The following MAP3K21 variants were observed in gnomAD, a reference collection of about 807,000 sequenced individuals.
MAP3K21 encodes mitogen-activated protein kinase kinase kinase MLK4.
Under a neutral mutation model 86.1 loss-of-function variants are expected in MAP3K21, and 63 were observed. The observed-to-expected ratio is 0.73, with a 90% CI of 0.60 to 0.90. The LOEUF is 0.90. Among genes scored for constraint, MAP3K21 ranks in the 40% least tolerant of loss-of-function variants. MAP3K21 has a pLI of 0.00. For missense variants in MAP3K21, 1,220 were observed against 1,367.7 expected (o/e 0.89, Z 1.70); for synonymous variants, 558 against 564.8 (o/e 0.99, Z 0.17).
At chr1:233,336,617 T>G (rs533377417) in intron 1 of MAP3K21, among the ~76,000 whole-genome samples, 1 of 152,266 alleles carries the variant, frequency 6.6e-6, no homozygotes, top group Non-Finnish European at 1.5e-5. Context: ...ATTATTTCAC[T>G]TATAATCCCA....
intron 1 of MAP3K21, among the ~76,000 whole-genome samples, chr1:233,340,565 G>A (rs1465431925): frequency 6.6e-6 from 1 of 152,028 alleles, no homozygotes; most frequent in Non-Finnish European, 1.5e-5. Flanking sequence ...TGGATAGTGA[G>A]TGGGGTATGT....
At chr1:233,378,354 A>G (rs1663838715) in intron 8 of MAP3K21, among the ~76,000 whole-genome samples, 1 of 152,200 alleles carries the variant, frequency 6.6e-6, no homozygotes, top group African/African-American at 2.4e-5. Flanking sequence ...GGCTAGCTGA[A>G]ACACAGACTG....
intron 2 of MAP3K21, among the ~76,000 whole-genome samples, chr1:233,353,071 T>C (rs1475689468): frequency 6.6e-6 from 1 of 152,168 alleles, no homozygotes; most frequent in African/African-American, 2.4e-5. Flanking sequence ...TGCCTTTGCT[T>C]GTTCTTGTTT....
At chr1:233,377,199 A>G (rs899682607) in intron 8 of MAP3K21, among the ~76,000 whole-genome samples, 3 of 152,210 alleles carry the variant, frequency 2.0e-5, no homozygotes, top group Admixed American at 2.0e-4. Flanking sequence ...ATTTACTTTC[A>G]ATATTCTATA....
intron 5 of MAP3K21, among the ~76,000 whole-genome samples, chr1:233,362,696 C>T (rs929941470): frequency 2.0e-5 from 3 of 151,966 alleles, no homozygotes; most frequent in African/African-American, 7.3e-5. Context: ...CCACAAGGAT[C>T]TAGGATGTCA....
intron 1 of MAP3K21, among the ~76,000 whole-genome samples, chr1:233,334,604 G>GTTC (rs1553337002): frequency 6.6e-6 from 1 of 151,808 alleles, no homozygotes; most frequent in East Asian, 1.9e-4. Context: ...GGTTTTTTTG[G>GTTC]GGGGGAAGGA....
chr1:233,364,904 A>G lies in MAP3K21; in HGVS notation c.1552+2611A>G, dbSNP rs564771901. Among the ~76,000 whole-genome samples, 65 of 152,242 alleles carry G rather than the reference A, an allele frequency of 4.3e-4. 2 individuals carry two copies. Among genetic ancestry groups the G allele is most frequent in the Non-Finnish European group, 3.8e-4 (26 of 68,012 alleles). On this transcript the variant is annotated intron_variant, in intron 5 of 9. Transcript: ENST00000366624. ...TCTTCTGCCCACAAGATGGCACTAC[A>G]TTATCATCTTAATATTAATAATACT... is the stretch of plus-strand genomic sequence containing the variant.
intron 1 of MAP3K21, among the ~76,000 whole-genome samples, chr1:233,342,525 G>A (rs187466919): frequency 3.2e-4 from 49 of 152,294 alleles, no homozygotes; most frequent in African/African-American, 1.2e-3. Flanking sequence ...TGGAGGATTC[G>A]CAGAATGCTA....
At chr1:233,375,684 A>G (rs1663780151) in intron 6 of MAP3K21, 1 of 506,516 alleles carries the variant, frequency 2.0e-6, no homozygotes, top group Non-Finnish European at 3.4e-6. Context: ...TTTGCTGCTA[A>G]TTTACCTCGA....
At position 233,376,533 on chromosome 1, in the gene MAP3K21, T is replaced by C; in HGVS notation, c.1924+6T>C. On this transcript the variant is annotated splice_donor_region_variant and intron_variant, in intron 8 of 9. Transcript: ENST00000366624. ...ATTGTTTGTGGACCAGCCAGGTAAA[T>C]GTGTTTCAGGAGGTAGGATTTGCTT... 6.2e-7 allele frequency: 1 copy of C among 1,601,244 alleles called. No homozygotes were observed. The highest frequency in any genetic ancestry group is 8.5e-7 in the Non-Finnish European group (1 of 1,169,890).
chr1:233,382,505 G>C lies in MAP3K21; in HGVS notation c.2905G>C (p.Ala969Pro). 1.9e-6 allele frequency: 3 copies of C among 1,614,126 alleles called. No homozygotes were observed. The highest frequency in any genetic ancestry group is 2.5e-6 in the Non-Finnish European group (3 of 1,180,032). The change falls in exon 10 of 10, where the codon GCA (alanine) becomes CCA (proline). Residue 969 changes from alanine to proline, a missense_variant. Coordinates refer to ENST00000366624, the MANE Select transcript of MAP3K21 (RefSeq NM_032435.3). ...AYPQTAVSQLAQTACVVGRPG... is the reference protein window; with the variant it reads ...AYPQTAVSQLPQTACVVGRPG... ...CCCACAGACAGCAGTGTCTCAGCTG[G>C]CACAGACTGCCTGTGTAGTGGGTCG...
chr1:233,361,912 TG>T, intron 4 of MAP3K21, 140 bp from the exon 5 acceptor site: 1 of 1,061,014 alleles, frequency 9.4e-7, no homozygotes, highest in East Asian at 2.6e-5. Context: ...GACCAGGGCT[TG>T]AGCAGAGGAA....
chr1:233,380,876 T>A (rs979045858), intron 9 of MAP3K21, among the ~76,000 whole-genome samples: 5 of 152,210 alleles, frequency 3.3e-5, no homozygotes, highest in African/African-American at 4.8e-5. Context: ...AGTGTCTCAC[T>A]CCTCCTCACT....
At chr1:233,356,089 T>C (rs916296597) in intron 4 of MAP3K21, among the ~76,000 whole-genome samples, 2 of 152,350 alleles carry the variant, frequency 1.3e-5, no homozygotes, top group Non-Finnish European at 1.5e-5. Context: ...CTGAGGATCC[T>C]GTTTCCTCCC....
chr1:233,341,667 T>C (rs191166077), intron 1 of MAP3K21, among the ~76,000 whole-genome samples: 13 of 152,308 alleles, frequency 8.5e-5, no homozygotes, highest in Admixed American at 8.5e-4. Context: ...GACTCTGTTT[T>C]TATTATTTAG....
intron 4 of MAP3K21, among the ~76,000 whole-genome samples, chr1:233,358,945 G>A (rs1235439235): frequency 6.6e-6 from 1 of 151,982 alleles, no homozygotes; most frequent in African/African-American, 2.4e-5. Flanking sequence ...GAGTAGCTGG[G>A]ATTACAGGCG....
At chr1:233,335,938 C>T (rs900972880) in intron 1 of MAP3K21, among the ~76,000 whole-genome samples, 7 of 152,112 alleles carry the variant, frequency 4.6e-5, no homozygotes, top group Non-Finnish European at 8.8e-5. Flanking sequence ...GATGGATGTT[C>T]ATATCTGCTT....
At position 233,379,546 on chromosome 1, in the gene MAP3K21, G is replaced by A. The variant is rs150526004; in HGVS notation, c.2540G>A (p.Arg847His). Residue 847 changes from arginine to histidine, a missense_variant, in exon 9 of 10, where the codon CGT (arginine) becomes CAT (histidine). By Grantham distance (29) the Arg-to-His change is conservative. Transcript: ENST00000366624. ...TGTCCCACTGCCCCAGGAAGTGGTC[G>A]TGAGCCAGCCCTCATGCCAAGACTT... The part of the protein sequence containing the change: ...DFCPTAPGSG[R>H]EPALMPRLDT... 59 of 1,614,190 alleles carry A rather than the reference G, an allele frequency of 3.7e-5. No individual in the cohort carries two copies. Among genetic ancestry groups the A allele is most frequent in the Admixed American group, 1.7e-4 (10 of 60,024 alleles).
At chr1:233,375,878 A>T (rs1663786145) in intron 6 of MAP3K21, 38 bp from the exon 7 acceptor site, 1 of 1,550,282 alleles carries the variant, frequency 6.5e-7, no homozygotes, top group Non-Finnish European at 8.9e-7. Flanking sequence ...GGTTAATATG[A>T]TTGTTGTGGT....
Sources: allele counts gnomAD v4.1 joint callset (sites outside exome capture counted in the v4.1 genomes callset), GRCh38; gene constraint gnomAD v4.1.1; transcripts MANE v1.5; gene names NCBI Gene and HGNC (gene_info 2026-07-23, HGNC 2026-07-21).